RSPO4: variants seen among roughly 807,000 people sequenced by gnomAD.
RSPO4 encodes R-spondin-4.
A neutral mutation model predicts 24.8 loss-of-function variants in RSPO4; 23 were observed. That is an observed-to-expected ratio of 0.93 (90% CI 0.67 to 1.31). The LOEUF is 1.31. RSPO4 is among the 40% of genes most tolerant of loss of function. The pLI is 0.00. For synonymous variants in RSPO4, 141 were observed against 127.4 expected (o/e 1.11, Z -0.72); for missense variants, 333 against 316.5 (o/e 1.05, Z -0.39).
intron 1 of RSPO4, among the ~76,000 whole-genome samples, chr20:994,904 A>G (rs1985227126): frequency 6.6e-6 from 1 of 152,182 alleles, no homozygotes; most frequent in African/African-American, 2.4e-5. Flanking sequence ...CTGGGAAAAA[A>G]GGCAAAGCAC....
At chr20:996,372 T>C (rs1032343717) in intron 1 of RSPO4, among the ~76,000 whole-genome samples, 6 of 152,166 alleles carry the variant, frequency 3.9e-5, no homozygotes, top group African/African-American at 1.4e-4. Context: ...TTTCACCAGA[T>C]GGGAGGATGG....
intron 4 of RSPO4, among the ~76,000 whole-genome samples, chr20:963,518 G>T (rs1376726437): frequency 6.6e-6 from 1 of 151,992 alleles, no homozygotes; most frequent in Admixed American, 6.6e-5. Context: ...TGGTATGTTG[G>T]GCCAAGCGCT....
intron 3 of RSPO4, among the ~76,000 whole-genome samples, chr20:966,789 A>T (rs1984215048): frequency 6.6e-6 from 1 of 152,184 alleles, no homozygotes; most frequent in Non-Finnish European, 1.5e-5. Context: ...TAGGAGTTTG[A>T]GGCTGCAGTG....
intron 1 of RSPO4, among the ~76,000 whole-genome samples, chr20:992,621 A>G (rs1381353722): frequency 6.6e-6 from 1 of 152,070 alleles, no homozygotes; most frequent in Non-Finnish European, 1.5e-5. Context: ...CTTGAAAACC[A>G]TATGAGGTAG....
chr20:979,310 T>G (rs1568919722), intron 1 of RSPO4, among the ~76,000 whole-genome samples: 2 of 152,150 alleles, frequency 1.3e-5, no homozygotes, highest in African/African-American at 4.8e-5. Flanking sequence ...TGGAATGCCC[T>G]TCCCACATTC....
Position 960,255 on chromosome 20 carries a change from GGAGAAGACA to G in RSPO4, c.*93_*101del. 1 of 740,168 alleles carries G rather than the reference GGAGAAGACA, an allele frequency of 1.4e-6. No homozygotes were observed. Among genetic ancestry groups the G allele is most frequent in the Non-Finnish European group, 2.4e-6 (1 of 425,290 alleles). The allele number at this position is 740,168 out of a possible 1,614,324, so 45.9% of individuals were successfully genotyped here. On this transcript the variant is annotated 3_prime_UTR_variant, in exon 5 of 5. Transcript: ENST00000217260. Reference sequence around the variant, plus strand: ...GGGTGGAAAGAAAGAGAGGACAAATGGAGAAGACAGAGGAGAAAGAGTAAGAGGAGAGGA... The same window carrying G: ...GGGTGGAAAGAAAGAGAGGACAAATGGAGGAGAAAGAGTAAGAGGAGAGGA...
At chr20:999,765 C>CG (rs1555797955) in intron 1 of RSPO4, among the ~76,000 whole-genome samples, 1 of 151,762 alleles carries the variant, frequency 6.6e-6, no homozygotes, top group Non-Finnish European at 1.5e-5. Context: ...GTAGATGGGG[C>CG]GGGGGGCAAA....
At chr20:996,258 AT>A (rs1286508999) in intron 1 of RSPO4, among the ~76,000 whole-genome samples, 1 of 152,026 alleles carries the variant, frequency 6.6e-6, no homozygotes, top group Non-Finnish European at 1.5e-5. Flanking sequence ...ATTCCATTCC[AT>A]TTCATTAGAA....
chr20:960,134 A>C lies in RSPO4; in HGVS notation c.*223T>G, dbSNP rs1183140887. The C allele has an allele frequency of 6.8e-6, 4 of 584,044 alleles. No individual in the cohort carries two copies. Among genetic ancestry groups the C allele is most frequent in the Non-Finnish European group, 1.2e-5 (4 of 327,900 alleles). The allele number at this position is 584,044 out of a possible 1,614,324, so 36.2% of individuals were successfully genotyped here. On this transcript the variant is annotated 3_prime_UTR_variant, in exon 5 of 5. Coordinates refer to ENST00000217260, the MANE Select transcript of RSPO4 (RefSeq NM_001029871.4). Reference sequence around the variant, plus strand: ...AGAAAGAAGAGGAAGGAAGGGAAGGAGGGAGGGAGAAAGGAGAGGAGAATG... The same window carrying C: ...AGAAAGAAGAGGAAGGAAGGGAAGGCGGGAGGGAGAAAGGAGAGGAGAATG...
rs199861662 is a variant in RSPO4, at chr20:967,223, G to A, written c.360C>T (p.Pro120=). The A allele has an allele frequency of 1.1e-4, 182 of 1,614,176 alleles. No homozygotes were observed. In the African/African-American group the frequency reaches 2.0e-3, roughly 17 times the overall value. The change falls in exon 3 of 5, where the codon CCC becomes CCT. Residue 120 remains proline (P), a synonymous_variant. Coordinates refer to ENST00000217260, the MANE Select transcript of RSPO4 (RefSeq NM_001029871.4). ...GGGCCAAAGTGCCCGGCGGGCAGGT[G>A]GGCAGACACTTCCCCTTGTACAAGT... is the stretch of plus-strand genomic sequence containing the variant. ...QFYLYKGKCL[P]TCPPGTLAHQ... is the part of the protein sequence containing the mutation.
At chr20:960,597 G>C in intron 4 of RSPO4, 131 bp from the exon 5 acceptor site, 1 of 716,238 alleles carries the variant, frequency 1.4e-6, no homozygotes, top group East Asian at 2.7e-5. Context: ...TTTGGGCACT[G>C]ACCTTGCAGT....
In RSPO4 at chr20:981,685, T is replaced by C. The variant is rs1451159013; in HGVS notation, c.80-13547A>G. On this transcript the variant is annotated intron_variant, in intron 1 of 4. Transcript: ENST00000217260. The surrounding 1 kb of genome is among the most constrained non-coding windows in gnomAD (Gnocchi z 4.6). Reference sequence around the variant, plus strand: ...GCAGAAAAAGGAAGGGCTGGGTTCATGTGTGCCCGACATGTGTGTGTTTGG... The same window carrying C: ...GCAGAAAAAGGAAGGGCTGGGTTCACGTGTGCCCGACATGTGTGTGTTTGG... Among the ~76,000 whole-genome samples the C allele has an allele frequency of 1.3e-5, 2 of 152,180 alleles. No individual in the cohort carries two copies. Among genetic ancestry groups the C allele is most frequent in the African/African-American group, 2.4e-5 (1 of 41,446 alleles).
chr20:995,441 G>T (rs779716583), intron 1 of RSPO4, among the ~76,000 whole-genome samples: 1 of 152,204 alleles, frequency 6.6e-6, no homozygotes, highest in Non-Finnish European at 1.5e-5. Flanking sequence ...GGACTGGGGT[G>T]AGGACCAAAG....
At chr20:991,965 C>T (rs975818474) in intron 1 of RSPO4, among the ~76,000 whole-genome samples, 3 of 151,798 alleles carry the variant, frequency 2.0e-5, no homozygotes, top group Admixed American at 6.6e-5. Flanking sequence ...TTAAGGAGTC[C>T]GATTGGCTCA....
chr20:960,862 T>C (rs1390080993), intron 4 of RSPO4, among the ~76,000 whole-genome samples: 1 of 152,192 alleles, frequency 6.6e-6, no homozygotes, highest in Non-Finnish European at 1.5e-5. Flanking sequence ...CTGGACACCT[T>C]TCATCTGTGT....
At chr20:986,728 CAGTT>C (rs1984935110) in intron 1 of RSPO4, among the ~76,000 whole-genome samples, 1 of 151,388 alleles carries the variant, frequency 6.6e-6, no homozygotes, top group African/African-American at 2.4e-5. Context: ...ATCATTAAGC[CAGTT>C]ACACACAAAG....
At chr20:983,590 T>C (rs76199424) in intron 1 of RSPO4, among the ~76,000 whole-genome samples, 3,886 of 152,270 alleles carry the variant, frequency 0.026, 206 homozygotes, top group East Asian at 0.21. Flanking sequence ...GGTGATATAA[T>C]TTTGTGGGAC....
chr20:986,765 C>T (rs1393285110), intron 1 of RSPO4, among the ~76,000 whole-genome samples: 1 of 151,972 alleles, frequency 6.6e-6, no homozygotes, highest in Non-Finnish European at 1.5e-5. Context: ...ATCCTTAATA[C>T]ACAACGAGCT....
chr20:965,619 G>C (rs1466495298), intron 3 of RSPO4, among the ~76,000 whole-genome samples: 1 of 152,232 alleles, frequency 6.6e-6, no homozygotes, highest in Non-Finnish European at 1.5e-5. Context: ...GAACCCTGGC[G>C]ATAGGCAGGG....
Sources: allele counts gnomAD v4.1 joint callset (sites outside exome capture counted in the v4.1 genomes callset), GRCh38; gene constraint gnomAD v4.1.1; non-coding constraint Gnocchi (gnomAD v3.1); transcripts MANE v1.5; gene names NCBI Gene and HGNC (gene_info 2026-07-23, HGNC 2026-07-21).